The following PRKACA variants were observed in gnomAD, a reference collection of about 807,000 sequenced individuals.
PRKACA encodes cAMP-dependent protein kinase catalytic subunit alpha.
A neutral mutation model predicts 45.8 loss-of-function variants in PRKACA; 9 were observed. The observed-to-expected ratio is 0.20, with a 90% CI of 0.12 to 0.34. The LOEUF (loss-of-function observed/expected upper bound fraction) is 0.34, where lower values mean the gene tolerates loss of function less well. Among genes scored for constraint, PRKACA ranks in the 10% least tolerant of loss-of-function variants. The pLI is 1.00. For synonymous variants in PRKACA, 160 were observed against 178.6 expected (o/e 0.90, Z 0.83); for missense variants, 238 against 458.6 (o/e 0.52, Z 4.39).
At chr19:14,112,426 G>T (rs1186119538) in intron 1 of PRKACA, 1 of 150,874 alleles carries the variant, frequency 6.6e-6, no homozygotes, top group Non-Finnish European at 1.5e-5. Context: ...GCCACAGCTG[G>T]AAGGTGGTCT....
intron 1 of PRKACA, among the ~76,000 whole-genome samples, chr19:14,109,641 G>A (rs559597579): frequency 5.4e-5 from 8 of 147,832 alleles, no homozygotes; most frequent in Admixed American, 4.1e-4. Flanking sequence ...AAAAAGAAAA[G>A]AAAATATGGG....
In PRKACA at chr19:14,093,616, G is replaced by C; in HGVS notation, c.930+12C>G. ...CCCAAACCCTCAGCAGGCTTAAGGA[G>C]GGGAGGCCCACCTTCCTCTGGTAGA... is the stretch of plus-strand genomic sequence containing the variant. On this transcript the variant is annotated intron_variant, in intron 9 of 9. Coordinates refer to ENST00000308677, the MANE Select transcript of PRKACA (RefSeq NM_002730.4). 6.2e-7 allele frequency: 1 copy of C among 1,610,816 alleles called. No individual in the cohort carries two copies. The highest frequency in any genetic ancestry group is 8.5e-7 in the Non-Finnish European group (1 of 1,178,168).
At chr19:14,106,720 G>A in intron 3 of PRKACA, 40 bp downstream of exon 3, 1 of 1,613,080 alleles carries the variant, frequency 6.2e-7, no homozygotes. Context: ...CCAGGCAAAG[G>A]CCTGACAGGC....
At position 14,097,761 on chromosome 19, in the gene PRKACA, C is replaced by T. The variant is rs370273092; in HGVS notation, c.546+3G>A. 1.9e-5 allele frequency: 31 copies of T among 1,614,058 alleles called. No individual in the cohort carries two copies. The African/African-American group carries it at 3.9e-4, about 20-fold the overall frequency. On this transcript the variant is annotated splice_donor_region_variant and intron_variant, in intron 6 of 9. Transcript: ENST00000308677. The surrounding 1 kb of genome is among the most constrained non-coding windows in gnomAD (Gnocchi z 5.4). ...GCTGCCCCTCGCCCGGCCTGGTGGG[C>T]ACCTGAATGTAGCCCTGCTGGTCAA...
At chr19:14,106,643 G>A in intron 3 of PRKACA, 117 bp downstream of exon 3, 1 of 1,409,256 alleles carries the variant, frequency 7.1e-7, no homozygotes, top group Non-Finnish European at 9.8e-7. Context: ...GACAGAGCGA[G>A]ACTCTGAATC....
At position 14,115,077 on chromosome 19, in the gene PRKACA, A is replaced by C. The variant is rs951668370; in HGVS notation, c.46+2425T>G. On this transcript the variant is annotated intron_variant, in intron 1 of 9. Coordinates refer to ENST00000308677, the MANE Select transcript of PRKACA (RefSeq NM_002730.4). ...TCAGAGCGCCTCAAAGCAAAGAGGG[A>C]CTTCCTTCCTCATCTTATTTCCTTC... is the stretch of plus-strand genomic sequence containing the variant. 9 of 985,214 alleles carry C rather than the reference A, an allele frequency of 9.1e-6. No homozygotes were observed. In the African/African-American group the frequency reaches 1.6e-4, roughly 17 times the overall value. 61.0% of individuals were successfully genotyped at this position (985,214 alleles called of 1,614,324 possible).
chr19:14,102,988 C>T, intron 3 of PRKACA, 74 bp from the exon 4 acceptor site: 7 of 1,220,114 alleles, frequency 5.7e-6, no homozygotes, highest in Non-Finnish European at 8.5e-6. Context: ...ATGCCTGGAA[C>T]TAGGGATGCC....
intron 1 of PRKACA, 130 bp from the exon 2 acceptor site, chr19:14,107,539 G>A (rs1443278505): frequency 2.3e-6 from 3 of 1,307,166 alleles, no homozygotes; most frequent in East Asian, 2.4e-5. Flanking sequence ...TTTTTCTGGT[G>A]CCTCTGGGGC....
chr19:14,111,640 A>G (rs1272901252), intron 1 of PRKACA, among the ~76,000 whole-genome samples: 2 of 152,152 alleles, frequency 1.3e-5, no homozygotes, highest in African/African-American at 2.4e-5. Context: ...GGGTCTTGCT[A>G]TGTTGCCCAG....
At chr19:14,093,578 C>G in intron 9 of PRKACA, 50 bp downstream of exon 9, 26 of 1,581,196 alleles carry the variant, frequency 1.6e-5, no homozygotes, top group Non-Finnish European at 2.2e-5. Flanking sequence ...TCCTCCCTGA[C>G]TCTTGGCCTG....
At chr19:14,116,614 T>G (rs1408739147) in intron 1 of PRKACA, among the ~76,000 whole-genome samples, 1 of 152,084 alleles carries the variant, frequency 6.6e-6, no homozygotes, top group Non-Finnish European at 1.5e-5. Context: ...GGGCCCTCCA[T>G]GGAGCCTAGA....
intron 1 of PRKACA, among the ~76,000 whole-genome samples, chr19:14,109,987 T>TAC (rs1568537531): frequency 1.2e-5 from 1 of 82,662 alleles, no homozygotes; most frequent in African/African-American, 6.4e-5. Context: ...TATATATATA[T>TAC]ATATATATAT....
chr19:14,098,116 C>T, intron 5 of PRKACA: 1 of 497,486 alleles, frequency 2.0e-6, no homozygotes, highest in South Asian at 2.7e-5. Flanking sequence ...ATTCCACTCA[C>T]CACCACCACC....
At position 14,097,912 on chromosome 19, in the gene PRKACA, G is replaced by A. The variant is rs770987910; in HGVS notation, c.420-22C>T. 1.1e-5 allele frequency: 18 copies of A among 1,613,566 alleles called. No homozygotes were observed. The highest frequency in any genetic ancestry group is 1.4e-5 in the Non-Finnish European group (16 of 1,179,766). ...CTCACTGATGGGGACAAATGGGGAG[G>A]TGAACGTCAGTGGTCATGCCCCAAA... On this transcript the variant is annotated intron_variant, in intron 5 of 9. Transcript: ENST00000308677. The surrounding 1 kb of genome is among the most constrained non-coding windows in gnomAD (Gnocchi z 5.4).
intron 1 of PRKACA, among the ~76,000 whole-genome samples, chr19:14,112,027 G>A (rs1434018554): frequency 1.3e-5 from 2 of 152,198 alleles, no homozygotes; most frequent in African/African-American, 4.8e-5. Context: ...TCGCTCCACA[G>A]GGTGCCTTGC....
At chr19:14,109,965 A>AATATATATATATAT (rs1188333013) in intron 1 of PRKACA, among the ~76,000 whole-genome samples, 11 of 23,768 alleles carry the variant, frequency 4.6e-4, no homozygotes, top group Admixed American at 1.7e-3. Context: ...AAAAAAAAAA[A>AATATATATATATAT]ATATATATAT....
In PRKACA at chr19:14,097,759, G is replaced by A. The variant is rs1977305947; in HGVS notation, c.546+5C>T. On this transcript the variant is annotated splice_donor_5th_base_variant and intron_variant, in intron 6 of 9. Coordinates refer to ENST00000308677, the MANE Select transcript of PRKACA (RefSeq NM_002730.4). The surrounding 1 kb of genome is among the most constrained non-coding windows in gnomAD (Gnocchi z 5.4). ...GGGCTGCCCCTCGCCCGGCCTGGTGGGCACCTGAATGTAGCCCTGCTGGTC... is the reference window on the plus strand; with the variant it reads ...GGGCTGCCCCTCGCCCGGCCTGGTGAGCACCTGAATGTAGCCCTGCTGGTC... 1 of 1,614,174 alleles carries A rather than the reference G, an allele frequency of 6.2e-7. No homozygotes were observed. The highest frequency in any genetic ancestry group is 8.5e-7 in the Non-Finnish European group (1 of 1,180,024).
At chr19:14,111,476 C>T (rs776759976) in intron 1 of PRKACA, among the ~76,000 whole-genome samples, 1 of 151,934 alleles carries the variant, frequency 6.6e-6, no homozygotes, top group Non-Finnish European at 1.5e-5. Flanking sequence ...AATGACCAGG[C>T]GGAGAGGGGA....
chr19:14,093,938 G>A (rs937109246), intron 8 of PRKACA, 146 bp from the exon 9 acceptor site: 1 of 799,968 alleles, frequency 1.3e-6, no homozygotes, highest in Admixed American at 3.3e-5. Flanking sequence ...AGCTCCTTGA[G>A]CCTACCCTAC....
Sources: allele counts gnomAD v4.1 joint callset (sites outside exome capture counted in the v4.1 genomes callset), GRCh38; gene constraint gnomAD v4.1.1; non-coding constraint Gnocchi (gnomAD v3.1); transcripts MANE v1.5; gene names NCBI Gene and HGNC (gene_info 2026-07-23, HGNC 2026-07-21).